The following ARID5A variants were observed in gnomAD, a reference collection of about 807,000 sequenced individuals.
ARID5A encodes the protein AT-rich interactive domain-containing protein 5A.
In ARID5A, 14 loss-of-function variants were observed where a neutral mutation model predicts 30.5. The ratio of observed to expected loss-of-function variants is 0.46; its 90% confidence interval spans 0.30 to 0.72. ARID5A has a LOEUF of 0.72. Ranked by LOEUF, ARID5A falls within the 30% of genes least tolerant of loss-of-function variation. The probability of loss-of-function intolerance (pLI) is 0.07; values close to 1 mark genes in which losing one functional copy is unlikely to be tolerated. For missense variants in ARID5A, 669 were observed against 786.2 expected (o/e 0.85, Z 1.78); for synonymous variants, 338 against 340.4 (o/e 0.99, Z 0.08).
chr2:96,540,828 C>T (rs1356954437), intron 1 of ARID5A, among the ~76,000 whole-genome samples: 2 of 152,226 alleles, frequency 1.3e-5, no homozygotes, highest in Non-Finnish European at 2.9e-5. Flanking sequence ...TCACTGCAAC[C>T]TCCACCTCCT....
At position 96,537,686 on chromosome 2, in the gene ARID5A, C is replaced by T. The variant is rs1392084110; in HGVS notation, c.4+856C>T. On this transcript the variant is annotated intron_variant, in intron 1 of 6. Transcript: ENST00000357485. This position sits in a 1 kb window ranked among gnomAD's most constrained non-coding sequence, Gnocchi z 4.8. The stretch of plus-strand genomic sequence containing the variant: ...CTACGAGCTTGCAGGCGATGCCCGG[C>T]TTCGCGCTCGGCGGGAGCTGCGGGC... 1 of 180,320 alleles carries T rather than the reference C, an allele frequency of 5.5e-6. No homozygotes were observed. The highest frequency in any genetic ancestry group is 2.4e-5 in the African/African-American group (1 of 41,918). 11.2% of individuals were successfully genotyped at this position (180,320 alleles called of 1,614,324 possible). A position where few individuals can be genotyped will look rare whatever the true frequency, so the allele number is the denominator to read the frequency against.
In ARID5A at chr2:96,552,424, T is replaced by C; in HGVS notation, c.*111T>C. The stretch of plus-strand genomic sequence containing the variant: ...CCTGCTACCCAGGACACCCGGGCCA[T>C]GCCCCTGGCTGGGCAGCCTGGCACA... On this transcript the variant is annotated 3_prime_UTR_variant, in exon 7 of 7. Coordinates refer to ENST00000357485, the MANE Select transcript of ARID5A (RefSeq NM_212481.3). The C allele has an allele frequency of 6.4e-7, 1 of 1,562,070 alleles. No homozygotes were observed. Among genetic ancestry groups the C allele is most frequent in the South Asian group, 1.2e-5 (1 of 86,110 alleles).
chr2:96,537,782 G>C lies in ARID5A; in HGVS notation c.4+952G>C. On this transcript the variant is annotated intron_variant, in intron 1 of 6. Coordinates refer to ENST00000357485, the MANE Select transcript of ARID5A (RefSeq NM_212481.3). This position sits in a 1 kb window ranked among gnomAD's most constrained non-coding sequence, Gnocchi z 4.8. ...CCGGGCTGGGGTCGCGTCACCCTCCGCCCAGCGCCGGCGTGGTGGGGCTTG... is the reference window on the plus strand; with the variant it reads ...CCGGGCTGGGGTCGCGTCACCCTCCCCCCAGCGCCGGCGTGGTGGGGCTTG... 3.4e-6 allele frequency: 3 copies of C among 880,728 alleles called. No homozygotes were observed. Among genetic ancestry groups the C allele is most frequent in the South Asian group, 5.2e-5 (1 of 19,194 alleles). 54.6% of individuals were successfully genotyped at this position (880,728 alleles called of 1,614,324 possible).
chr2:96,550,018 T>C lies in ARID5A; in HGVS notation c.313-170T>C. On this transcript the variant is annotated intron_variant, in intron 4 of 6. Coordinates refer to ENST00000357485, the MANE Select transcript of ARID5A (RefSeq NM_212481.3). The surrounding 1 kb of genome is among the most constrained non-coding windows in gnomAD (Gnocchi z 6.6). ...CCCGCCCCGTGTTGGGAAAACTGCT[T>C]GGGCCAGCAGTCCATGGCCCTAGGA... is the stretch of plus-strand genomic sequence containing the variant. The C allele has an allele frequency of 2.6e-6, 4 of 1,533,664 alleles. No individual in the cohort carries two copies. The highest frequency in any genetic ancestry group is 3.5e-6 in the Non-Finnish European group (4 of 1,146,358).
Position 96,550,513 on chromosome 2 carries a change from C to CAG in ARID5A, c.411-58_411-57dup. On this transcript the variant is annotated intron_variant, in intron 5 of 6. Coordinates refer to ENST00000357485, the MANE Select transcript of ARID5A (RefSeq NM_212481.3). This position sits in a 1 kb window ranked among gnomAD's most constrained non-coding sequence, Gnocchi z 6.6. The stretch of plus-strand genomic sequence containing the variant: ...GGGGAAGGGGGCTCAGAGGAGGCTA[C>CAG]AGAGGCCCAGGGAGGGGATGGGCGC... The CAG allele has an allele frequency of 6.6e-7, 1 of 1,526,394 alleles. No homozygotes were observed. Among genetic ancestry groups the CAG allele is most frequent in the Non-Finnish European group, 8.8e-7 (1 of 1,134,354 alleles). 94.6% of individuals were successfully genotyped at this position (1,526,394 alleles called of 1,614,324 possible). A position where few individuals can be genotyped will look rare whatever the true frequency, so the allele number is the denominator to read the frequency against.
rs189632834 is a variant in ARID5A, at chr2:96,545,243, G to A, written c.5-2159G>A. ...GTAATCTCAGCTCACTGCAGCCTCC[G>A]CCTCCTAGGTTCAAAGGATTCTCCT... On this transcript the variant is annotated intron_variant, in intron 1 of 6. Coordinates refer to ENST00000357485, the MANE Select transcript of ARID5A (RefSeq NM_212481.3). 1.5e-4 allele frequency among the ~76,000 whole-genome samples: 21 copies of A among 137,858 alleles called. No homozygotes were observed. In the East Asian group the frequency reaches 2.3e-3, roughly 15 times the overall value. The allele number at this position is 137,858 out of a possible 152,430, so 90.4% of individuals were successfully genotyped here. A position where few individuals can be genotyped will look rare whatever the true frequency, so the allele number is the denominator to read the frequency against.
rs531557522 is a variant in ARID5A at position 96,537,826 on chromosome 2, A to G, written c.4+996A>G. The stretch of plus-strand genomic sequence containing the variant: ...GGGCTTGCGCGGTGCAGGACCCCCG[A>G]GGGCCCAGGGGGTCCCAAGGCGCTG... On this transcript the variant is annotated intron_variant, in intron 1 of 6. Coordinates refer to ENST00000357485, the MANE Select transcript of ARID5A (RefSeq NM_212481.3). The surrounding 1 kb of genome is among the most constrained non-coding windows in gnomAD (Gnocchi z 4.8). The G allele has an allele frequency of 1.4e-5, 14 of 973,252 alleles. No homozygotes were observed. The East Asian group carries it at 1.5e-3, about 104-fold the overall frequency. 60.3% of individuals were successfully genotyped at this position (973,252 alleles called of 1,614,324 possible).
At chr2:96,545,266 C>T (rs142273221) in intron 1 of ARID5A, among the ~76,000 whole-genome samples, 6 of 150,664 alleles carry the variant, frequency 4.0e-5, no homozygotes, top group Admixed American at 1.3e-4. Flanking sequence ...AAAGGATTCT[C>T]CTGCCTCAGC....
At chr2:96,542,937 C>G (rs1476415448) in intron 1 of ARID5A, among the ~76,000 whole-genome samples, 1 of 152,168 alleles carries the variant, frequency 6.6e-6, no homozygotes, top group Non-Finnish European at 1.5e-5. Context: ...GCAAAGAACT[C>G]AAGGATCTTC....
At chr2:96,538,260 G>A (rs1390356597) in intron 1 of ARID5A, 1 of 985,436 alleles carries the variant, frequency 1.0e-6, no homozygotes, top group Non-Finnish European at 1.2e-6. Flanking sequence ...ATGTGGCCCA[G>A]ACTCCGTGGG....
At chr2:96,551,059 G>C in intron 6 of ARID5A, 40 bp from the exon 7 acceptor site, 1 of 1,574,988 alleles carries the variant, frequency 6.3e-7, no homozygotes, top group Non-Finnish European at 8.6e-7. Context: ...CAGGATGTGG[G>C]GCTGAGGCAG....
At position 96,549,191 on chromosome 2, in the gene ARID5A, GCTAGGT is replaced by G; in HGVS notation, c.121-129_121-124del. The G allele has an allele frequency of 1.3e-6, 2 of 1,488,812 alleles. No individual in the cohort carries two copies. Among genetic ancestry groups the G allele is most frequent in the Non-Finnish European group, 1.8e-6 (2 of 1,110,472 alleles). The allele number at this position is 1,488,812 out of a possible 1,614,324, so 92.2% of individuals were successfully genotyped here. A position where few individuals can be genotyped will look rare whatever the true frequency, so the allele number is the denominator to read the frequency against. On this transcript the variant is annotated intron_variant, in intron 2 of 6. Coordinates refer to ENST00000357485, the MANE Select transcript of ARID5A (RefSeq NM_212481.3). The surrounding 1 kb of genome is among the most constrained non-coding windows in gnomAD (Gnocchi z 6.1). ...ACAGTCACTCCCTCCCAGAACAGTGGCTAGGTGTTCTCTGGGAAACTGGGGTTGGGG... is the reference window on the plus strand; with the variant it reads ...ACAGTCACTCCCTCCCAGAACAGTGGGTTCTCTGGGAAACTGGGGTTGGGG...
chr2:96,549,839 G>A lies in ARID5A; in HGVS notation c.312+34G>A, dbSNP rs1156372590. On this transcript the variant is annotated intron_variant, in intron 4 of 6. Transcript: ENST00000357485. The surrounding 1 kb of genome is among the most constrained non-coding windows in gnomAD (Gnocchi z 6.1). ...GGCACCTCCCAGTCCTTGCCAAACT[G>A]CATATCCCTGGGGTGAGCCTGCAGC... 2 of 1,603,432 alleles carry A rather than the reference G, an allele frequency of 1.2e-6. No individual in the cohort carries two copies. Among genetic ancestry groups the A allele is most frequent in the Non-Finnish European group, 1.7e-6 (2 of 1,174,524 alleles).
chr2:96,547,576 C>G, intron 2 of ARID5A, 59 bp downstream of exon 2: 1 of 1,510,478 alleles, frequency 6.6e-7, no homozygotes, highest in Non-Finnish European at 9.2e-7. Context: ...CTCACCTGTG[C>G]TCCGCCTCCA....
In ARID5A at chr2:96,537,117, T is replaced by G. The variant is rs1256233531; in HGVS notation, c.4+287T>G. 2.0e-5 allele frequency among the ~76,000 whole-genome samples: 3 copies of G among 152,148 alleles called. No homozygotes were observed. The highest frequency in any genetic ancestry group is 7.2e-5 in the African/African-American group (3 of 41,440). ...GCCAGGGGCTTCCCGGGCGTTTATCTCGAAACTCTTTTCGCCGTCTCTTGC... is the reference window on the plus strand; with the variant it reads ...GCCAGGGGCTTCCCGGGCGTTTATCGCGAAACTCTTTTCGCCGTCTCTTGC... On this transcript the variant is annotated intron_variant, in intron 1 of 6. Transcript: ENST00000357485. This position sits in a 1 kb window ranked among gnomAD's most constrained non-coding sequence, Gnocchi z 4.8.
chr2:96,549,187 A>G lies in ARID5A; in HGVS notation c.121-134A>G. On this transcript the variant is annotated intron_variant, in intron 2 of 6. Coordinates refer to ENST00000357485, the MANE Select transcript of ARID5A (RefSeq NM_212481.3). The surrounding 1 kb of genome is among the most constrained non-coding windows in gnomAD (Gnocchi z 6.1). ...AGGAACAGTCACTCCCTCCCAGAAC[A>G]GTGGCTAGGTGTTCTCTGGGAAACT... 6.7e-7 allele frequency: 1 copy of G among 1,485,356 alleles called. No individual in the cohort carries two copies. The highest frequency in any genetic ancestry group is 1.3e-5 in the South Asian group (1 of 75,488). 92.0% of individuals were successfully genotyped at this position (1,485,356 alleles called of 1,614,324 possible). A position where few individuals can be genotyped will look rare whatever the true frequency, so the allele number is the denominator to read the frequency against.
rs115730206 is a variant in ARID5A at position 96,547,654 on chromosome 2, C to G, written c.120+137C>G. ...TTCCTACCCTGGCCCTGCCCAGCAG[C>G]CAGGGGACTTACTTGTCATCTGTGG... On this transcript the variant is annotated intron_variant, in intron 2 of 6. Coordinates refer to ENST00000357485, the MANE Select transcript of ARID5A (RefSeq NM_212481.3). The G allele has an allele frequency of 3.4e-3, 2,460 of 732,364 alleles. 48 individuals carry two copies. The African/African-American group carries it at 0.041, about 12-fold the overall frequency. The allele number at this position is 732,364 out of a possible 1,614,324, so 45.4% of individuals were successfully genotyped here. A position where few individuals can be genotyped will look rare whatever the true frequency, so the allele number is the denominator to read the frequency against.
At position 96,552,397 on chromosome 2, in the gene ARID5A, T is replaced by C; in HGVS notation, c.*84T>C. ...CTGCTGCCAGGGGGCTCTGAACTAGTGCCTGCTACCCAGGACACCCGGGCC... is the reference window on the plus strand; with the variant it reads ...CTGCTGCCAGGGGGCTCTGAACTAGCGCCTGCTACCCAGGACACCCGGGCC... On this transcript the variant is annotated 3_prime_UTR_variant, in exon 7 of 7. Coordinates refer to ENST00000357485, the MANE Select transcript of ARID5A (RefSeq NM_212481.3). 6.3e-7 allele frequency: 1 copy of C among 1,589,040 alleles called. No individual in the cohort carries two copies. Among genetic ancestry groups the C allele is most frequent in the Non-Finnish European group, 8.6e-7 (1 of 1,169,120 alleles).
At position 96,550,488 on chromosome 2, in the gene ARID5A, G is replaced by T; in HGVS notation, c.411-86G>T. 1 of 1,478,628 alleles carries T rather than the reference G, an allele frequency of 6.8e-7. No homozygotes were observed. 91.6% of individuals were successfully genotyped at this position (1,478,628 alleles called of 1,614,324 possible). A position where few individuals can be genotyped will look rare whatever the true frequency, so the allele number is the denominator to read the frequency against. ...GGAGAGGGCCTTCCTCGGCGCCGGC[G>T]GGGAAGGGGGCTCAGAGGAGGCTAC... On this transcript the variant is annotated intron_variant, in intron 5 of 6. Transcript: ENST00000357485. The surrounding 1 kb of genome is among the most constrained non-coding windows in gnomAD (Gnocchi z 6.6).
Sources: gnomAD v4.1 joint callset for allele counts (sites outside exome capture counted in the v4.1 genomes callset) on GRCh38, gnomAD v4.1.1 for gene constraint, Gnocchi (gnomAD v3.1) non-coding constraint, MANE v1.5 for transcripts, NCBI Gene and HGNC (gene_info 2026-07-23, HGNC 2026-07-21) for gene names.